The following TSHZ2 variants were observed in gnomAD, a reference collection of about 807,000 sequenced individuals.
TSHZ2 encodes the protein teashirt zinc finger homeobox 2, also known as teashirt homolog 2.
In TSHZ2, 21 loss-of-function variants were observed where a neutral mutation model predicts 74.4. The observed-to-expected ratio is 0.28, with a 90% CI of 0.20 to 0.41. TSHZ2 has a LOEUF of 0.41. Ranked by LOEUF, TSHZ2 falls within the 10% of genes least tolerant of loss-of-function variation. The pLI, the probability that TSHZ2 is intolerant of heterozygous loss-of-function variation, is 1.00. For missense variants in TSHZ2, 1,244 were observed against 1,293.5 expected, an observed-to-expected ratio of 0.96 and a Z score of 0.59; for synonymous variants, 540 against 515.3, an observed-to-expected ratio of 1.05 and a Z score of -0.65.
At chr20:53,454,559 C>G (rs1375496606) in intron 2 of TSHZ2, among the ~76,000 whole-genome samples, 2 of 146,742 alleles carry the variant, frequency 1.4e-5, no homozygotes, top group South Asian at 4.3e-4. Flanking sequence ...GAAACTTGGT[C>G]TCAAAAAAAA....
intron 2 of TSHZ2, among the ~76,000 whole-genome samples, chr20:53,363,097 G>A (rs1981126808): frequency 6.6e-6 from 1 of 152,226 alleles, no homozygotes; most frequent in African/African-American, 2.4e-5. Context: ...CACCCCGTAG[G>A]AGGGGTATAC....
chr20:53,454,706 A>T (rs1209004849), intron 2 of TSHZ2, among the ~76,000 whole-genome samples: 1 of 152,162 alleles, frequency 6.6e-6, no homozygotes, highest in African/African-American at 2.4e-5. Context: ...ATCAGAACTG[A>T]AACCCTCCCA....
chr20:53,348,202 G>A (rs1453122497), intron 2 of TSHZ2, among the ~76,000 whole-genome samples: 1 of 152,166 alleles, frequency 6.6e-6, no homozygotes, highest in Non-Finnish European at 1.5e-5. Flanking sequence ...TTATATGAGT[G>A]TTCCTAGAAG....
At chr20:53,178,524 T>C (rs1988397664) in intron 1 of TSHZ2, 1 of 152,144 alleles carries the variant, frequency 6.6e-6, no homozygotes, top group East Asian at 1.9e-4. Context: ...GGCCAAAGCT[T>C]TTTTGGGGAG....
At chr20:53,079,781 G>A (rs534176053) in intron 1 of TSHZ2, among the ~76,000 whole-genome samples, 6 of 152,070 alleles carry the variant, frequency 3.9e-5, no homozygotes, top group African/African-American at 1.2e-4. Flanking sequence ...AAAAGCACCA[G>A]CAGATAGCTA....
At chr20:53,075,228 G>A (rs1600677725) in intron 1 of TSHZ2, among the ~76,000 whole-genome samples, 2 of 152,194 alleles carry the variant, frequency 1.3e-5, no homozygotes, top group African/African-American at 2.4e-5. Context: ...ATAAAAAAGA[G>A]ACAGGTAGTC....
At position 53,135,906 on chromosome 20, in the gene TSHZ2, ATGTT is replaced by A. The variant is rs1205605727; in HGVS notation, c.41-117589_41-117586del. 2.0e-5 allele frequency among the ~76,000 whole-genome samples: 3 copies of A among 152,286 alleles called. No homozygotes were observed. The East Asian group carries it at 5.8e-4, about 29-fold the overall frequency. ...AGGCGTGAGCCACCACACCCAGACA[ATGTT>A]TGTCCCATTTCTAGTACTTCAGTTT... On this transcript the variant is annotated intron_variant, in intron 1 of 2. Transcript: ENST00000371497.
chr20:53,478,678 A>AAT (rs1464653671), intron 2 of TSHZ2, among the ~76,000 whole-genome samples: 1 of 149,834 alleles, frequency 6.7e-6, no homozygotes, highest in African/African-American at 2.4e-5. Context: ...AAAAAATAAA[A>AAT]ATAAATAAAT....
chr20:53,467,939 A>G (rs1985610399), intron 2 of TSHZ2, among the ~76,000 whole-genome samples: 1 of 152,230 alleles, frequency 6.6e-6, no homozygotes, highest in African/African-American at 2.4e-5. Flanking sequence ...GTCAAATGCA[A>G]CAGAGACGAC....
At position 53,040,669 on chromosome 20, in the gene TSHZ2, C is replaced by T. The variant is rs556625547; in HGVS notation, c.40+67336C>T. 2.4e-3 allele frequency among the ~76,000 whole-genome samples: 370 copies of T among 151,542 alleles called. 2 individuals carry two copies. Among genetic ancestry groups the T allele is most frequent in the African/African-American group, 8.4e-3 (347 of 41,294 alleles). ...TTTCACGGAAGCCTGGTTGTGGGGGCTTAGCCCTGACCTGGTGGCAGGGTC... is the reference window on the plus strand; with the variant it reads ...TTTCACGGAAGCCTGGTTGTGGGGGTTTAGCCCTGACCTGGTGGCAGGGTC... On this transcript the variant is annotated intron_variant, in intron 1 of 2. Transcript: ENST00000371497.
chr20:53,220,328 A>C (rs1364278052), intron 1 of TSHZ2, among the ~76,000 whole-genome samples: 1 of 152,226 alleles, frequency 6.6e-6, no homozygotes, highest in African/African-American at 2.4e-5. Context: ...GTTCATACAC[A>C]CACACTTGTC....
At chr20:53,037,967 TCA>T (rs2123085372) in intron 1 of TSHZ2, among the ~76,000 whole-genome samples, 1 of 151,968 alleles carries the variant, frequency 6.6e-6, no homozygotes, top group African/African-American at 2.4e-5. Flanking sequence ...CAGGTAAATC[TCA>T]GTCTGTCGCT....
intron 2 of TSHZ2, among the ~76,000 whole-genome samples, chr20:53,415,310 A>G (rs116807344): frequency 0.02 from 2,994 of 152,312 alleles, 92 homozygotes; most frequent in African/African-American, 0.064. Flanking sequence ...TGCCAGTGGG[A>G]GAAAAAAATT....
At chr20:53,392,556 A>G (rs1409775404) in intron 2 of TSHZ2, among the ~76,000 whole-genome samples, 1 of 152,266 alleles carries the variant, frequency 6.6e-6, no homozygotes, top group Non-Finnish European at 1.5e-5. Context: ...ACAGTTTTGT[A>G]GCAATTAAGT....
At chr20:53,126,764 G>A (rs557592700) in intron 1 of TSHZ2, among the ~76,000 whole-genome samples, 12 of 152,198 alleles carry the variant, frequency 7.9e-5, no homozygotes, top group South Asian at 2.1e-4. Flanking sequence ...AGTCTATAGC[G>A]CGAGGTAGTC....
At chr20:53,280,671 G>A (rs371690641) in intron 2 of TSHZ2, among the ~76,000 whole-genome samples, 2 of 144,296 alleles carry the variant, frequency 1.4e-5, no homozygotes, top group Non-Finnish European at 3.0e-5. Context: ...GTTTTTTGTT[G>A]TTGTTGTTGT....
Position 53,487,201 on chromosome 20 carries a change from C to T in TSHZ2, c.*66C>T, listed in dbSNP as rs1006737535. On this transcript the variant is annotated 3_prime_UTR_variant, in exon 3 of 3. Coordinates refer to ENST00000371497, the MANE Select transcript of TSHZ2 (RefSeq NM_173485.6). ...GATCCCCTCACACTGAACCCTTCTT[C>T]GTTGCACCATCCTGCTTCTGACATT... The T allele has an allele frequency of 6.8e-6, 1 of 146,898 alleles. No individual in the cohort carries two copies. The highest frequency in any genetic ancestry group is 1.5e-5 in the Non-Finnish European group (1 of 67,442). The allele number at this position is 146,898 out of a possible 1,614,324, so 9.1% of individuals were successfully genotyped here. A position where few individuals can be genotyped will look rare whatever the true frequency, so the allele number is the denominator to read the frequency against.
intron 1 of TSHZ2, among the ~76,000 whole-genome samples, chr20:53,187,698 T>C (rs80117340): frequency 3.6e-5 from 3 of 83,226 alleles, no homozygotes; most frequent in Non-Finnish European, 5.0e-5. Flanking sequence ...TCAGTGCTGT[T>C]TTTTTTTAAG....
intron 2 of TSHZ2, among the ~76,000 whole-genome samples, chr20:53,404,582 G>A (rs1982777210): frequency 1.3e-5 from 2 of 152,112 alleles, no homozygotes; most frequent in Non-Finnish European, 2.9e-5. Flanking sequence ...ATCTCCCCAT[G>A]TACTTTGCAT....
Sources: allele counts gnomAD v4.1 joint callset (sites outside exome capture counted in the v4.1 genomes callset), GRCh38; gene constraint gnomAD v4.1.1; transcripts MANE v1.5; gene names NCBI Gene and HGNC (gene_info 2026-07-23, HGNC 2026-07-21).